The following ZBTB16 variants were observed in gnomAD, a reference collection of about 807,000 sequenced individuals.
ZBTB16 encodes the protein zinc finger and BTB domain-containing protein 16.
ZBTB16 carries 8 observed loss-of-function variants against 56.8 expected under a neutral mutation model. The observed-to-expected ratio is 0.14, with a 90% CI of 0.08 to 0.25. The LOEUF is 0.25. ZBTB16 is among the 10% of genes least tolerant of loss of function. The pLI, the probability that ZBTB16 is intolerant of heterozygous loss-of-function variation, is 1.00. For missense variants in ZBTB16, 625 were observed against 903.0 expected (o/e 0.69, Z 3.95); for synonymous variants, 363 against 368.5 (o/e 0.98, Z 0.17).
chr11:114,209,085 G>GTGT (rs2135124943), intron 4 of ZBTB16, among the ~76,000 whole-genome samples: 1 of 152,262 alleles, frequency 6.6e-6, no homozygotes, highest in Non-Finnish European at 1.5e-5. Flanking sequence ...AAGATAACTT[G>GTGT]CCCCCAGGAG....
chr11:114,184,510 A>C (rs1943320613), intron 3 of ZBTB16, among the ~76,000 whole-genome samples: 1 of 152,238 alleles, frequency 6.6e-6, no homozygotes, highest in Admixed American at 6.5e-5. Flanking sequence ...ACATCTTTGC[A>C]GATGGAACCC....
At chr11:114,210,192 T>TGTGCGCGCGC (rs773801156) in intron 4 of ZBTB16, among the ~76,000 whole-genome samples, 2 of 143,238 alleles carry the variant, frequency 1.4e-5, no homozygotes, top group Non-Finnish European at 3.1e-5. Flanking sequence ...TGTGTGTGTG[T>TGTGCGCGCGC]GCGTGCGCGC....
chr11:114,158,761 T>A (rs1434934385), intron 3 of ZBTB16, among the ~76,000 whole-genome samples: 2 of 152,204 alleles, frequency 1.3e-5, no homozygotes, highest in Non-Finnish European at 1.5e-5. Flanking sequence ...CTTGAATACA[T>A]ACCACCATAG....
chr11:114,066,150 G>C (rs1046379513), intron 2 of ZBTB16, among the ~76,000 whole-genome samples: 2 of 152,166 alleles, frequency 1.3e-5, no homozygotes, highest in African/African-American at 4.8e-5. Context: ...CCATTCCCCT[G>C]TTGCTCGTTC....
chr11:114,125,974 A>G (rs752909377), intron 2 of ZBTB16, among the ~76,000 whole-genome samples: 1 of 152,008 alleles, frequency 6.6e-6, no homozygotes, highest in Admixed American at 6.6e-5. Flanking sequence ...GCACACTCCA[A>G]CTCTTGGAGT....
chr11:114,111,046 ATTATCT>A (rs1430346252), intron 2 of ZBTB16, among the ~76,000 whole-genome samples: 1 of 152,178 alleles, frequency 6.6e-6, no homozygotes, highest in Non-Finnish European at 1.5e-5. Flanking sequence ...TCGTGAGAAC[ATTATCT>A]TTAAGGAAGG....
At chr11:114,061,322 G>T (rs907719348) in intron 1 of ZBTB16, 2 of 152,190 alleles carry the variant, frequency 1.3e-5, no homozygotes, top group African/African-American at 2.4e-5. Context: ...GACCCAAAAG[G>T]CTTGTTTCAG....
intron 2 of ZBTB16, among the ~76,000 whole-genome samples, chr11:114,140,374 T>C (rs74855026): frequency 0.033 from 5,017 of 152,300 alleles, 272 homozygotes; most frequent in African/African-American, 0.11. Context: ...GTCTTCCCTC[T>C]TCAACTAAAG....
At chr11:114,095,934 G>A (rs1013787062) in intron 2 of ZBTB16, among the ~76,000 whole-genome samples, 3 of 152,086 alleles carry the variant, frequency 2.0e-5, no homozygotes, top group African/African-American at 7.2e-5. Flanking sequence ...TCTCTGATAG[G>A]TTGCCTTTTC....
At chr11:114,203,056 T>C (rs895386315) in intron 4 of ZBTB16, among the ~76,000 whole-genome samples, 2 of 152,200 alleles carry the variant, frequency 1.3e-5, no homozygotes, top group African/African-American at 2.4e-5. Flanking sequence ...AACTACCCAA[T>C]TGCCTATCAG....
At chr11:114,200,633 C>T (rs1232645222) in intron 4 of ZBTB16, among the ~76,000 whole-genome samples, 2 of 152,126 alleles carry the variant, frequency 1.3e-5, no homozygotes, top group South Asian at 2.1e-4. Flanking sequence ...CAGGACTCAC[C>T]GTCCTCACTG....
intron 2 of ZBTB16, among the ~76,000 whole-genome samples, chr11:114,131,175 A>C (rs915283897): frequency 1.3e-5 from 2 of 152,182 alleles, no homozygotes; most frequent in African/African-American, 4.8e-5. Flanking sequence ...GCAGTGCCTG[A>C]GACATGTTTG....
chr11:114,219,305 A>G (rs1418802933), intron 4 of ZBTB16, among the ~76,000 whole-genome samples: 3 of 152,174 alleles, frequency 2.0e-5, no homozygotes, highest in Non-Finnish European at 4.4e-5. Context: ...CAACCAACAA[A>G]CAGAACACTC....
intron 2 of ZBTB16, among the ~76,000 whole-genome samples, chr11:114,124,682 C>A (rs1941453200): frequency 6.6e-6 from 1 of 152,120 alleles, no homozygotes; most frequent in Non-Finnish European, 1.5e-5. Flanking sequence ...GGCCATATCC[C>A]TGAAACCTGA....
intron 2 of ZBTB16, among the ~76,000 whole-genome samples, chr11:114,131,801 A>C (rs893083549): frequency 7.2e-5 from 11 of 152,248 alleles, no homozygotes; most frequent in African/African-American, 2.7e-4. Context: ...AACTGCTTTC[A>C]GAATGTGTAA....
At chr11:114,202,159 AAGTG>A (rs1196088712) in intron 4 of ZBTB16, among the ~76,000 whole-genome samples, 1 of 152,182 alleles carries the variant, frequency 6.6e-6, no homozygotes, top group Non-Finnish European at 1.5e-5. Flanking sequence ...CTGACGGAGG[AAGTG>A]AGTAAGAAGA....
intron 3 of ZBTB16, among the ~76,000 whole-genome samples, chr11:114,171,851 G>A (rs1298154004): frequency 6.6e-6 from 1 of 152,348 alleles, no homozygotes; most frequent in African/African-American, 2.4e-5. Context: ...TGGCTGAATC[G>A]AAGCAGAAAT....
In ZBTB16 at chr11:114,250,450, C is replaced by T; in HGVS notation, c.1917C>T (p.Cys639=). 6.2e-7 allele frequency: 1 copy of T among 1,614,152 alleles called. No individual in the cohort carries two copies. Residue 639 remains cysteine (C), a synonymous_variant, in exon 7 of 7, where the codon TGC becomes TGT. Transcript: ENST00000335953. The surrounding 1 kb of genome is among the most constrained non-coding windows in gnomAD (Gnocchi z 6.0). ...AGTGCACCATCTGCACAGAGTACTG[C>T]CCCAGCCTCTCCTCCATGCAGAAGC... ...PYQCTICTEY[C]PSLSSMQKHM... is the part of the protein sequence containing the mutation.
At chr11:114,246,721 A>C (rs1273644635) in intron 5 of ZBTB16, 1 of 203,856 alleles carries the variant, frequency 4.9e-6, no homozygotes, top group Non-Finnish European at 1.0e-5. Context: ...ACAGCTATGT[A>C]AGACTGTGGA....
Sources: allele counts gnomAD v4.1 joint callset (sites outside exome capture counted in the v4.1 genomes callset), GRCh38; gene constraint gnomAD v4.1.1; non-coding constraint Gnocchi (gnomAD v3.1); transcripts MANE v1.5; gene names NCBI Gene and HGNC (gene_info 2026-07-23, HGNC 2026-07-21).